KLHL4: variants seen among roughly 807,000 people sequenced by gnomAD.
KLHL4 encodes kelch-like protein 4.
In KLHL4, 17 loss-of-function variants were observed where a neutral mutation model predicts 45.8. The ratio of observed to expected loss-of-function variants is 0.37; its 90% CI spans 0.25 to 0.56. The LOEUF (loss-of-function observed/expected upper bound fraction) is 0.56, where lower values mean the gene tolerates loss of function less well. Among genes scored for constraint, KLHL4 ranks in the 20% least tolerant of loss-of-function variants. The pLI is 0.79. For missense variants in KLHL4, 544 were observed against 544.9 expected (o/e 1.00, Z 0.02); for synonymous variants, 224 against 189.9 (o/e 1.18, Z -1.47).
At chrX:87,531,388 G>T (rs1201326434) in intron 1 of KLHL4, among the ~76,000 whole-genome samples, 3 of 111,295 alleles carry the variant, frequency 2.7e-5, no homozygotes, top group Non-Finnish European at 3.8e-5. Flanking sequence ...TCTAGGGTTT[G>T]TATGGTTTTA....
intron 1 of KLHL4, among the ~76,000 whole-genome samples, chrX:87,534,883 T>G (rs1224693559): frequency 8.9e-6 from 1 of 111,848 alleles, no homozygotes; most frequent in Non-Finnish European, 1.9e-5. Context: ...ATTATGAATC[T>G]GATAAAGAGA....
intron 1 of KLHL4, among the ~76,000 whole-genome samples, chrX:87,529,767 A>G (rs890394975): frequency 7.1e-5 from 8 of 111,995 alleles, no homozygotes; most frequent in African/African-American, 2.6e-4. Context: ...CCCTTTTTTG[A>G]ATAAAGACCG....
intron 1 of KLHL4, among the ~76,000 whole-genome samples, chrX:87,599,498 C>A (rs993701477): frequency 1.8e-5 from 2 of 111,467 alleles, no homozygotes; most frequent in Non-Finnish European, 3.8e-5. Flanking sequence ...TAGGTCTATT[C>A]ATACAACAAT....
intron 9 of KLHL4, among the ~76,000 whole-genome samples, chrX:87,655,327 C>G (rs1484637655): frequency 9.0e-6 from 1 of 111,638 alleles, no homozygotes; most frequent in African/African-American, 3.3e-5. Flanking sequence ...CTTCCTAGCT[C>G]TTTTCTTAAG....
intron 9 of KLHL4, among the ~76,000 whole-genome samples, chrX:87,654,213 G>T (rs1306913183): frequency 1.8e-5 from 2 of 111,780 alleles, no homozygotes; most frequent in Non-Finnish European, 1.9e-5. Context: ...TTGCAAAGTG[G>T]AGAAGTCTGG....
At chrX:87,659,802 T>TA (rs2147841771) in intron 9 of KLHL4, among the ~76,000 whole-genome samples, 1 of 111,480 alleles carries the variant, frequency 9.0e-6, no homozygotes, top group African/African-American at 3.3e-5. Flanking sequence ...TGAAAAAACA[T>TA]ACACCTTCCC....
intron 1 of KLHL4, among the ~76,000 whole-genome samples, chrX:87,585,953 C>A (rs1921456181): frequency 9.1e-6 from 1 of 110,062 alleles, no homozygotes; most frequent in African/African-American, 3.3e-5. Flanking sequence ...CCTTTGGAAA[C>A]CAAAAAAGAG....
chrX:87,618,165 AT>A (rs1393081071), intron 4 of KLHL4, 37 bp downstream of exon 4: 11 of 1,026,379 alleles, frequency 1.1e-5, no homozygotes, highest in Non-Finnish European at 1.5e-5. Flanking sequence ...TGTAGTAAAA[AT>A]ATGTTAATGT....
At chrX:87,648,357 ACAAT>A (rs916406174) in intron 9 of KLHL4, among the ~76,000 whole-genome samples, 1 of 111,566 alleles carries the variant, frequency 9.0e-6, no homozygotes, top group Non-Finnish European at 1.9e-5. Flanking sequence ...GAAAAAAATC[ACAAT>A]CAAAACCATT....
intron 5 of KLHL4, among the ~76,000 whole-genome samples, chrX:87,623,220 C>T (rs748862333): frequency 3.9e-5 from 4 of 103,816 alleles, no homozygotes; most frequent in South Asian, 9.0e-4. Flanking sequence ...ACTTTTATAA[C>T]AAAGTTACTA....
At position 87,635,584 on chromosome X, in the gene KLHL4, T is replaced by A. The variant is rs778951418; in HGVS notation, c.1734T>A (p.Arg578=). 3 of 1,208,061 alleles carry A rather than the reference T, an allele frequency of 2.5e-6. No individual in the cohort carries two copies. The African/African-American group carries it at 5.2e-5, about 21-fold the overall frequency. Residue 578 remains arginine, a synonymous_variant, in exon 9 of 11, where the codon CGT becomes CGA. Transcript: ENST00000373119. The part of the protein sequence containing the change: ...LNNKLYAIGG[R]DGSSCLKSME... ...CTAGATTATATGCTATTGGTGGACG[T>A]GATGGAAGTTCCTGCCTCAAATCAA... is the stretch of plus-strand genomic sequence containing the variant.
chrX:87,580,020 C>A (rs915197334), intron 1 of KLHL4, among the ~76,000 whole-genome samples: 1 of 111,462 alleles, frequency 9.0e-6, no homozygotes, highest in East Asian at 2.8e-4. Flanking sequence ...ACAATAAATA[C>A]AAAAATGTGT....
chrX:87,656,503 C>T (rs750105605), intron 9 of KLHL4, among the ~76,000 whole-genome samples: 30 of 107,723 alleles, frequency 2.8e-4, no homozygotes, highest in Non-Finnish European at 4.8e-4. Context: ...TTTTGTAATT[C>T]CTTCAATGAA....
At chrX:87,565,533 G>A (rs1328111348) in intron 1 of KLHL4, among the ~76,000 whole-genome samples, 1 of 109,758 alleles carries the variant, frequency 9.1e-6, no homozygotes, top group Admixed American at 9.7e-5. Flanking sequence ...TTTGAGACCA[G>A]CCTGGCCAAC....
intron 1 of KLHL4, among the ~76,000 whole-genome samples, chrX:87,559,456 GT>G (rs2147784075): frequency 8.9e-6 from 1 of 111,761 alleles, no homozygotes; most frequent in East Asian, 2.8e-4. Flanking sequence ...TTACAGCAGT[GT>G]TTTGATTTGA....
chrX:87,633,900 A>G lies in KLHL4; in HGVS notation c.1701A>G (p.Ala567=). 8.3e-7 allele frequency: 1 copy of G among 1,203,722 alleles called. No individual in the cohort carries two copies. The highest frequency in any genetic ancestry group is 1.1e-6 in the Non-Finnish European group (1 of 891,718). ...STPRSTVGVV[A]LNNKLYAIGG... is the part of the protein sequence containing the mutation. ...CTAGAAGCACAGTTGGTGTTGTTGC[A>G]TTAAACAACAAGTGAGTAAGTTGAA... The change falls in exon 8 of 11, where the codon GCA becomes GCG. Residue 567 remains alanine (A), a synonymous_variant. Transcript: ENST00000373119.
chrX:87,644,307 G>A (rs1250073054), intron 9 of KLHL4, among the ~76,000 whole-genome samples: 1 of 110,606 alleles, frequency 9.0e-6, no homozygotes, highest in Admixed American at 9.7e-5. Context: ...TACAATAGCT[G>A]CAAAAAAATA....
chrX:87,666,724 A>G lies in KLHL4; in HGVS notation c.*190A>G, dbSNP rs908867346. 37 of 972,327 alleles carry G rather than the reference A, an allele frequency of 3.8e-5. No homozygotes were observed. In the African/African-American group the frequency reaches 6.6e-4, roughly 17 times the overall value. The allele number at this position is 972,327 out of a possible 1,213,427, so 80.1% of individuals were successfully genotyped here. On this transcript the variant is annotated 3_prime_UTR_variant, in exon 11 of 11. Transcript: ENST00000373119. ...CGAAACGTTTTTAAACATGAATTAC[A>G]TATGAATTATTAAGCATATGTGCTT...
chrX:87,597,164 T>G (rs1384812139), intron 1 of KLHL4, among the ~76,000 whole-genome samples: 1 of 111,914 alleles, frequency 8.9e-6, no homozygotes, highest in Non-Finnish European at 1.9e-5. Flanking sequence ...ATTAGTATAA[T>G]AGAGCTTTTG....
Sources: allele counts gnomAD v4.1 joint callset (sites outside exome capture counted in the v4.1 genomes callset), GRCh38; gene constraint gnomAD v4.1.1; transcripts MANE v1.5; gene names NCBI Gene and HGNC (gene_info 2026-07-23, HGNC 2026-07-21).